Variants in TCERG1L observed in about 807,000 individuals in gnomAD.
TCERG1L encodes transcription elongation regulator 1-like protein.
A neutral mutation model predicts 56.3 loss-of-function variants in TCERG1L; 37 were observed. The ratio of observed to expected loss-of-function variants is 0.66; its 90% CI spans 0.51 to 0.87. The LOEUF is 0.87. TCERG1L is among the 40% of genes least tolerant of loss of function. The probability of loss-of-function intolerance (pLI) is 0.00; values close to 1 mark genes in which losing one functional copy is unlikely to be tolerated. For missense variants in TCERG1L, 799 were observed against 774.2 expected, an observed-to-expected ratio of 1.03 and a Z score of -0.38; for synonymous variants, 324 against 326.3, an observed-to-expected ratio of 0.99 and a Z score of 0.08.
chr10:131,115,465 A>G (rs935639898), intron 9 of TCERG1L, among the ~76,000 whole-genome samples: 9 of 44,296 alleles, frequency 2.0e-4, no homozygotes, highest in African/African-American at 5.5e-4. Flanking sequence ...ATTTTTTGAA[A>G]AACAAACCAA....
chr10:131,272,029 C>A (rs893577019), intron 3 of TCERG1L, among the ~76,000 whole-genome samples: 2 of 152,198 alleles, frequency 1.3e-5, no homozygotes, highest in African/African-American at 2.4e-5. Context: ...ACAGGCCCAG[C>A]AAGCTTCACA....
chr10:131,167,003 A>G, intron 4 of TCERG1L, 118 bp from the exon 5 acceptor site: 2 of 818,900 alleles, frequency 2.4e-6, no homozygotes, highest in Non-Finnish European at 3.8e-6. Flanking sequence ...GACACTGTGC[A>G]TTCCACAGAA....
intron 4 of TCERG1L, among the ~76,000 whole-genome samples, chr10:131,221,672 T>C (rs1230304959): frequency 1.3e-5 from 2 of 152,172 alleles, no homozygotes; most frequent in Admixed American, 6.5e-5. Flanking sequence ...TAAATGAACA[T>C]TTTGTCACCG....
At chr10:131,142,244 C>T (rs983091307) in intron 7 of TCERG1L, among the ~76,000 whole-genome samples, 3 of 152,236 alleles carry the variant, frequency 2.0e-5, no homozygotes, top group Admixed American at 6.5e-5. Context: ...CCTCCCACAT[C>T]GCCCTGAATC....
At chr10:131,100,475 G>T (rs181844679) in intron 10 of TCERG1L, among the ~76,000 whole-genome samples, 1 of 152,104 alleles carries the variant, frequency 6.6e-6, no homozygotes, top group East Asian at 1.9e-4. Flanking sequence ...ATTTAACATC[G>T]CAGGTTTTGT....
chr10:131,152,429 T>A (rs952552484), intron 6 of TCERG1L, among the ~76,000 whole-genome samples: 3 of 152,214 alleles, frequency 2.0e-5, no homozygotes, highest in African/African-American at 7.2e-5. Flanking sequence ...TGAGACCACC[T>A]CAGCCTGGAC....
chr10:131,283,580 G>A (rs571305741), intron 3 of TCERG1L, among the ~76,000 whole-genome samples: 1 of 152,198 alleles, frequency 6.6e-6, no homozygotes, highest in African/African-American at 2.4e-5. Flanking sequence ...AGAGATATAA[G>A]AATTTTCATG....
intron 3 of TCERG1L, among the ~76,000 whole-genome samples, chr10:131,284,709 T>C (rs559460951): frequency 9.2e-5 from 14 of 152,190 alleles, no homozygotes; most frequent in African/African-American, 3.1e-4. Flanking sequence ...TTAAAAAAGA[T>C]AACTATTATT....
intron 4 of TCERG1L, among the ~76,000 whole-genome samples, chr10:131,220,179 G>A (rs572708220): frequency 6.6e-6 from 1 of 152,184 alleles, no homozygotes; most frequent in Non-Finnish European, 1.5e-5. Flanking sequence ...ATGCGAAGGG[G>A]ACAGCCCCCC....
At chr10:131,294,744 G>A (rs932052113) in intron 3 of TCERG1L, among the ~76,000 whole-genome samples, 26 of 151,988 alleles carry the variant, frequency 1.7e-4, no homozygotes, top group African/African-American at 5.1e-4. Flanking sequence ...ATACATAGTC[G>A]GTGTTTTCTT....
At chr10:131,284,168 G>A (rs959700527) in intron 3 of TCERG1L, among the ~76,000 whole-genome samples, 4 of 148,858 alleles carry the variant, frequency 2.7e-5, no homozygotes, top group Admixed American at 1.3e-4. Flanking sequence ...AGAGATATCA[G>A]GCCATAAAAC....
intron 10 of TCERG1L, among the ~76,000 whole-genome samples, chr10:131,101,567 A>G (rs1392528191): frequency 1.3e-5 from 2 of 152,144 alleles, no homozygotes; most frequent in Non-Finnish European, 2.9e-5. Flanking sequence ...CACAGCACAC[A>G]TGCCACACAC....
At chr10:131,189,534 A>G (rs956422136) in intron 4 of TCERG1L, among the ~76,000 whole-genome samples, 6 of 152,212 alleles carry the variant, frequency 3.9e-5, no homozygotes, top group African/African-American at 1.4e-4. Flanking sequence ...GCTGAATAGT[A>G]TTCCATGTAA....
At chr10:131,224,901 GAAT>G (rs952910455) in intron 4 of TCERG1L, among the ~76,000 whole-genome samples, 1 of 152,218 alleles carries the variant, frequency 6.6e-6, no homozygotes, top group Non-Finnish European at 1.5e-5. Context: ...ACTCTGAATG[GAAT>G]AATAAGTAGA....
At chr10:131,116,294 T>C (rs1205760231) in intron 9 of TCERG1L, among the ~76,000 whole-genome samples, 1 of 152,148 alleles carries the variant, frequency 6.6e-6, no homozygotes, top group Admixed American at 6.5e-5. Context: ...GGAGTACCAC[T>C]AGGTAGGATG....
intron 4 of TCERG1L, among the ~76,000 whole-genome samples, chr10:131,244,857 G>A (rs1479044379): frequency 2.6e-5 from 4 of 152,176 alleles, no homozygotes; most frequent in Non-Finnish European, 5.9e-5. Flanking sequence ...GAGTCTCCAT[G>A]CCACCACCCC....
In TCERG1L at chr10:131,118,020, G is replaced by A. The variant is rs566442542; in HGVS notation, c.1260-1086C>T. 6.6e-4 allele frequency among the ~76,000 whole-genome samples: 100 copies of A among 152,246 alleles called. 1 individual carries two copies. The highest frequency in any genetic ancestry group is 9.6e-4 in the Non-Finnish European group (65 of 68,010). On this transcript the variant is annotated intron_variant, in intron 8 of 11. Transcript: ENST00000368642. This position sits in a 1 kb window ranked among gnomAD's most constrained non-coding sequence, Gnocchi z 4.2. ...GGATGCAGCCTGTTCTCCAGGACGGGCAGACTCAACCCGCGCTGGGTTGGC... is the reference window on the plus strand; with the variant it reads ...GGATGCAGCCTGTTCTCCAGGACGGACAGACTCAACCCGCGCTGGGTTGGC...
chr10:131,134,306 G>T, intron 8 of TCERG1L, 73 bp downstream of exon 8: 1 of 1,329,114 alleles, frequency 7.5e-7, no homozygotes, highest in Non-Finnish European at 1.1e-6. Flanking sequence ...TGGTCAAAAT[G>T]ATGCCTTTTC....
chr10:131,196,449 C>T (rs1395420021), intron 4 of TCERG1L, among the ~76,000 whole-genome samples: 1 of 152,230 alleles, frequency 6.6e-6, no homozygotes, highest in Non-Finnish European at 1.5e-5. Context: ...GGGATGCCAG[C>T]TCAGCCACGC....
Sources: gnomAD v4.1 joint callset for allele counts (sites outside exome capture counted in the v4.1 genomes callset) on GRCh38, gnomAD v4.1.1 for gene constraint, Gnocchi (gnomAD v3.1) non-coding constraint, MANE v1.5 for transcripts, NCBI Gene and HGNC (gene_info 2026-07-23, HGNC 2026-07-21) for gene names.